The following ROBO2 variants were observed in gnomAD, a reference collection of about 807,000 sequenced individuals.
ROBO2 encodes the protein roundabout homolog 2.
Under a neutral mutation model 160.8 loss-of-function variants are expected in ROBO2, and 53 were observed. That is an observed-to-expected ratio of 0.33 (90% CI 0.26 to 0.41). The LOEUF (loss-of-function observed/expected upper bound fraction) is 0.41. Ranked by LOEUF, ROBO2 falls within the 10% of genes least tolerant of loss-of-function variation. The pLI, the probability that ROBO2 is intolerant of heterozygous loss-of-function variation, is 1.00. For synonymous variants in ROBO2, 664 were observed against 611.7 expected (o/e 1.09, Z -1.26); for missense variants, 1,577 against 1,722.4 (o/e 0.92, Z 1.49).
At chr3:77,479,259 G>A (rs2084394938) in intron 3 of ROBO2, among the ~76,000 whole-genome samples, 1 of 152,174 alleles carries the variant, frequency 6.6e-6, no homozygotes, top group African/African-American at 2.4e-5. Context: ...ACCCCAAGAA[G>A]AATAGTTGAA....
chr3:77,272,414 G>C (rs13071107), intron 2 of ROBO2, among the ~76,000 whole-genome samples: 35,047 of 151,900 alleles, frequency 0.23, 4,346 homozygotes, highest in Non-Finnish European at 0.27. Flanking sequence ...GGAAGAGAAG[G>C]GCGGGGGGGA....
At chr3:76,106,170 A>T (rs879359280) in intron 2 of ROBO2, among the ~76,000 whole-genome samples, 7 of 152,134 alleles carry the variant, frequency 4.6e-5, no homozygotes, top group Non-Finnish European at 7.4e-5. Context: ...AAAGGCAAAC[A>T]TGTAGAGATG....
chr3:76,762,558 G>A (rs1372710820), intron 2 of ROBO2, among the ~76,000 whole-genome samples: 1 of 150,998 alleles, frequency 6.6e-6, no homozygotes, highest in Non-Finnish European at 1.5e-5. Flanking sequence ...CCATCTTTTG[G>A]TCGGATTATA....
intron 2 of ROBO2, among the ~76,000 whole-genome samples, chr3:76,031,061 T>C (rs1167536005): frequency 1.3e-5 from 2 of 152,200 alleles, no homozygotes; most frequent in Admixed American, 1.3e-4. Context: ...GGTTTATAGT[T>C]CTCTCTGAAG....
At chr3:76,007,301 T>A (rs968717153) in intron 2 of ROBO2, among the ~76,000 whole-genome samples, 2 of 152,118 alleles carry the variant, frequency 1.3e-5, no homozygotes, top group African/African-American at 4.8e-5. Flanking sequence ...CTTTTAGCAC[T>A]TTTTTTGTAT....
intron 2 of ROBO2, among the ~76,000 whole-genome samples, chr3:76,427,115 A>G (rs1220879051): frequency 6.6e-6 from 1 of 152,160 alleles, no homozygotes; most frequent in African/African-American, 2.4e-5. Context: ...AAGCATTAGC[A>G]TTCTATAATA....
At chr3:77,320,529 A>G (rs2064558194) in intron 2 of ROBO2, among the ~76,000 whole-genome samples, 1 of 151,530 alleles carries the variant, frequency 6.6e-6, no homozygotes. Context: ...TGCCAGTTAT[A>G]TGGTTCTTTG....
chr3:76,382,983 T>C (rs1025810444), intron 2 of ROBO2, among the ~76,000 whole-genome samples: 2 of 152,158 alleles, frequency 1.3e-5, no homozygotes, highest in Admixed American at 6.5e-5. Flanking sequence ...GTAATAAAGT[T>C]AGTTTTAAGG....
intron 2 of ROBO2, among the ~76,000 whole-genome samples, chr3:76,414,080 G>C (rs995306416): frequency 4.1e-5 from 4 of 97,486 alleles, no homozygotes; most frequent in South Asian, 6.5e-4. Context: ...AAGCCCATCA[G>C]ATCTTGTGAG....
chr3:76,109,184 G>C (rs1230863514), intron 2 of ROBO2, among the ~76,000 whole-genome samples: 1 of 151,988 alleles, frequency 6.6e-6, no homozygotes, highest in East Asian at 1.9e-4. Context: ...ACTATCGCAT[G>C]GATAGTGTTT....
chr3:77,473,112 G>A (rs1426836112), intron 2 of ROBO2, among the ~76,000 whole-genome samples: 5 of 152,060 alleles, frequency 3.3e-5, no homozygotes, highest in African/African-American at 1.2e-4. Flanking sequence ...AGATGAGCTT[G>A]AGGATGCGGT....
At chr3:77,374,858 A>G (rs893525970) in intron 2 of ROBO2, among the ~76,000 whole-genome samples, 2 of 152,236 alleles carry the variant, frequency 1.3e-5, no homozygotes, top group Admixed American at 6.5e-5. Flanking sequence ...GTATTTTACT[A>G]TAAAAAGATA....
chr3:76,189,269 AT>A (rs1701899889), intron 2 of ROBO2, among the ~76,000 whole-genome samples: 1 of 152,140 alleles, frequency 6.6e-6, no homozygotes, highest in African/African-American at 2.4e-5. Flanking sequence ...GAGATTCTAG[AT>A]TTGAAGAGAA....
chr3:77,635,794 C>T (rs113662152), intron 24 of ROBO2, among the ~76,000 whole-genome samples: 10 of 152,126 alleles, frequency 6.6e-5, no homozygotes, highest in African/African-American at 9.7e-5. Flanking sequence ...TGCATAACAA[C>T]GAAATCACCT....
rs201556980 is a variant in ROBO2 at position 76,445,937 on chromosome 3, T to A, written c.109+508335T>A. Among the ~76,000 whole-genome samples, 112 of 152,294 alleles carry A rather than the reference T, an allele frequency of 7.4e-4. No individual in the cohort carries two copies. In the East Asian group the frequency reaches 0.02, roughly 28 times the overall value. ...GACAAACCCACAGCCAATATCATAC[T>A]GAATGGGCAAAAACTGGAAGCATTC... On this transcript the variant is annotated intron_variant, in intron 2 of 26. Coordinates refer to the ROBO2 transcript ENST00000487694.
intron 2 of ROBO2, among the ~76,000 whole-genome samples, chr3:77,212,804 A>G (rs2084363946): frequency 6.6e-6 from 1 of 152,198 alleles, no homozygotes; most frequent in African/African-American, 2.4e-5. Flanking sequence ...AATTTTGTCA[A>G]AGGCCTTTTC....
At chr3:76,481,238 C>T (rs2079189578) in intron 2 of ROBO2, among the ~76,000 whole-genome samples, 1 of 152,086 alleles carries the variant, frequency 6.6e-6, no homozygotes, top group Non-Finnish European at 1.5e-5. Context: ...AAGTAGACTG[C>T]TTTCTTCATT....
intron 2 of ROBO2, among the ~76,000 whole-genome samples, chr3:77,285,559 C>T (rs1346893553): frequency 6.6e-6 from 1 of 152,124 alleles, no homozygotes; most frequent in Non-Finnish European, 1.5e-5. Flanking sequence ...ACAGAAATGA[C>T]GTTTTATTTT....
At chr3:76,815,674 C>A (rs2109051717) in intron 2 of ROBO2, among the ~76,000 whole-genome samples, 1 of 151,996 alleles carries the variant, frequency 6.6e-6, no homozygotes, top group South Asian at 2.1e-4. Context: ...GCATGTCAAA[C>A]ATTTCAGAGC....
Sources: allele counts gnomAD v4.1 joint callset (sites outside exome capture counted in the v4.1 genomes callset), GRCh38; gene constraint gnomAD v4.1.1; transcripts MANE v1.5; gene names NCBI Gene and HGNC (gene_info 2026-07-23, HGNC 2026-07-21).